RCAN2: variants seen among roughly 807,000 people sequenced by gnomAD.
The protein encoded by RCAN2 is regulator of calcineurin 2.
In RCAN2, 9 loss-of-function variants were observed where a neutral mutation model predicts 23.6. That is an observed-to-expected ratio of 0.38 (90% CI 0.23 to 0.67). The LOEUF (loss-of-function observed/expected upper bound fraction) is 0.67. Ranked by LOEUF, RCAN2 falls within the 30% of genes least tolerant of loss-of-function variation. The pLI, the probability that RCAN2 is intolerant of heterozygous loss-of-function variation, is 0.51. For missense variants in RCAN2, 273 were observed against 302.3 expected (o/e 0.90, Z 0.72); for synonymous variants, 109 against 115.7 (o/e 0.94, Z 0.37).
intron 2 of RCAN2, among the ~76,000 whole-genome samples, chr6:46,322,061 T>C (rs1192296033): frequency 6.6e-6 from 1 of 152,116 alleles, no homozygotes; most frequent in East Asian, 1.9e-4. Flanking sequence ...TTTTAAAAGA[T>C]CTCCAGGGGA....
intron 2 of RCAN2, among the ~76,000 whole-genome samples, chr6:46,438,115 A>G (rs1198283905): frequency 6.6e-6 from 1 of 152,198 alleles, no homozygotes; most frequent in Non-Finnish European, 1.5e-5. Flanking sequence ...TCCTTTCAAA[A>G]AAGGCCCTGT....
intron 2 of RCAN2, among the ~76,000 whole-genome samples, chr6:46,253,729 T>C (rs1766811164): frequency 6.6e-6 from 1 of 152,200 alleles, no homozygotes; most frequent in South Asian, 2.1e-4. Context: ...ATGCACTGCA[T>C]AATGAAGTTT....
At chr6:46,243,192 T>G (rs1766368514) in intron 4 of RCAN2, among the ~76,000 whole-genome samples, 1 of 152,160 alleles carries the variant, frequency 6.6e-6, no homozygotes, top group Non-Finnish European at 1.5e-5. Context: ...AAACAACCTT[T>G]AATTTAACGT....
chr6:46,335,748 G>T (rs2150369559), intron 2 of RCAN2, among the ~76,000 whole-genome samples: 1 of 152,078 alleles, frequency 6.6e-6, no homozygotes, highest in South Asian at 2.1e-4. Flanking sequence ...TAGTTTTTGG[G>T]CCACCTGCTT....
intron 2 of RCAN2, among the ~76,000 whole-genome samples, chr6:46,333,255 C>T (rs1033331311): frequency 7.2e-5 from 11 of 151,976 alleles, no homozygotes. Context: ...ATTTTCCCAA[C>T]CTTTATCCCA....
At chr6:46,386,263 A>G (rs1182106648) in intron 2 of RCAN2, among the ~76,000 whole-genome samples, 1 of 152,088 alleles carries the variant, frequency 6.6e-6, no homozygotes, top group Non-Finnish European at 1.5e-5. Flanking sequence ...ACAAACATGA[A>G]AAAAAGCTCA....
chr6:46,338,457 G>A (rs1764208173), intron 2 of RCAN2, among the ~76,000 whole-genome samples: 1 of 152,210 alleles, frequency 6.6e-6, no homozygotes, highest in Non-Finnish European at 1.5e-5. Context: ...AGGAAGCCTG[G>A]CTAGGGTAAT....
At chr6:46,400,632 T>A (rs1244727408) in intron 2 of RCAN2, among the ~76,000 whole-genome samples, 1 of 152,202 alleles carries the variant, frequency 6.6e-6, no homozygotes, top group Non-Finnish European at 1.5e-5. Context: ...AAGAGCATCT[T>A]CAGTCATTCC....
At chr6:46,313,435 C>T (rs113894640) in intron 2 of RCAN2, among the ~76,000 whole-genome samples, 3,008 of 152,328 alleles carry the variant, frequency 0.02, 97 homozygotes, top group African/African-American at 0.067. Flanking sequence ...CTCACTAATG[C>T]TATACCAGGG....
intron 2 of RCAN2, among the ~76,000 whole-genome samples, chr6:46,397,923 G>A (rs1251010158): frequency 1.3e-5 from 2 of 152,090 alleles, no homozygotes; most frequent in African/African-American, 4.8e-5. Context: ...ATATTCTACA[G>A]GTAAATAGAC....
intron 2 of RCAN2, among the ~76,000 whole-genome samples, chr6:46,406,345 A>T (rs764619391): frequency 6.6e-6 from 1 of 152,248 alleles, no homozygotes; most frequent in African/African-American, 2.4e-5. Context: ...GTCTCCATGC[A>T]TACTCAAATT....
chr6:46,268,533 A>T lies in RCAN2; in HGVS notation c.226-19637T>A, dbSNP rs9369606. On this transcript the variant is annotated intron_variant, in intron 2 of 4. Coordinates refer to ENST00000371374, the MANE Select transcript of RCAN2 (RefSeq NM_001251974.2). The stretch of plus-strand genomic sequence containing the variant: ...CCTCTTTCTTGGAGTAACATTTTAC[A>T]TTGTGTGAGAAAACATCTTTGAGTA... Among the ~76,000 whole-genome samples, 7 of 152,066 alleles carry T rather than the reference A, an allele frequency of 4.6e-5. No individual in the cohort carries two copies. The East Asian group carries it at 1.4e-3, about 29-fold the overall frequency.
intron 2 of RCAN2, among the ~76,000 whole-genome samples, chr6:46,318,867 T>C (rs1389708201): frequency 6.6e-6 from 1 of 152,180 alleles, no homozygotes; most frequent in Non-Finnish European, 1.5e-5. Flanking sequence ...TCGAACCTTT[T>C]CTAGGGAAGG....
chr6:46,420,842 C>A (rs960461327), intron 2 of RCAN2, among the ~76,000 whole-genome samples: 4 of 152,142 alleles, frequency 2.6e-5, no homozygotes, highest in Admixed American at 6.5e-5. Flanking sequence ...CCACTGCACC[C>A]AGCCTGATCA....
intron 2 of RCAN2, among the ~76,000 whole-genome samples, chr6:46,295,412 A>G (rs1003095772): frequency 6.6e-6 from 1 of 152,154 alleles, no homozygotes; most frequent in African/African-American, 2.4e-5. Flanking sequence ...ATGAAGAAAG[A>G]GAAGATGAGA....
At chr6:46,336,967 A>AAAAG (rs1764164543) in intron 2 of RCAN2, among the ~76,000 whole-genome samples, 1 of 151,504 alleles carries the variant, frequency 6.6e-6, no homozygotes, top group South Asian at 2.1e-4. Flanking sequence ...AAAAAAAAAA[A>AAAAG]GCACAGGGAG....
At chr6:46,467,064 T>C (rs986782987) in intron 1 of RCAN2, among the ~76,000 whole-genome samples, 2 of 152,180 alleles carry the variant, frequency 1.3e-5, no homozygotes, top group African/African-American at 4.8e-5. Context: ...CTGATTGCTA[T>C]TGTCTTGCGC....
intron 4 of RCAN2, among the ~76,000 whole-genome samples, chr6:46,244,349 G>A (rs561470950): frequency 6.6e-5 from 10 of 151,752 alleles, no homozygotes; most frequent in Non-Finnish European, 1.2e-4. Flanking sequence ...CAGGCTCTGT[G>A]AGCGTCCCTT....
At chr6:46,374,261 T>C (rs1765401757) in intron 2 of RCAN2, among the ~76,000 whole-genome samples, 1 of 152,196 alleles carries the variant, frequency 6.6e-6, no homozygotes, top group East Asian at 1.9e-4. Flanking sequence ...ACCAGAATAC[T>C]TTCTCCTGGC....
Sources: gnomAD v4.1 joint callset for allele counts (sites outside exome capture counted in the v4.1 genomes callset) on GRCh38, gnomAD v4.1.1 for gene constraint, MANE v1.5 for transcripts, NCBI Gene and HGNC (gene_info 2026-07-23, HGNC 2026-07-21) for gene names.